UBE2H: variants seen among roughly 807,000 people sequenced by gnomAD.
UBE2H encodes the protein ubiquitin-conjugating enzyme E2 H.
Under a neutral mutation model 29.0 loss-of-function variants are expected in UBE2H, and 3 were observed. The ratio of observed to expected loss-of-function variants is 0.10; its 90% CI spans 0.05 to 0.27. The LOEUF (loss-of-function observed/expected upper bound fraction) is 0.27. Ranked by LOEUF, UBE2H falls within the 10% of genes least tolerant of loss-of-function variation. The pLI, the probability that UBE2H is intolerant of heterozygous loss-of-function variation, is 1.00. For synonymous variants in UBE2H, 69 were observed against 82.9 expected, an observed-to-expected ratio of 0.83 and a Z score of 0.91; for missense variants, 68 against 228.2, an observed-to-expected ratio of 0.30 and a Z score of 4.52.
intron 5 of UBE2H, among the ~76,000 whole-genome samples, chr7:129,848,883 A>C (rs1047539583): frequency 1.3e-5 from 2 of 150,564 alleles, no homozygotes; most frequent in Non-Finnish European, 3.0e-5. Flanking sequence ...AAATAAATTA[A>C]GATCTCCAGA....
intron 1 of UBE2H, among the ~76,000 whole-genome samples, chr7:129,886,052 C>A (rs764945621): frequency 6.6e-6 from 1 of 152,204 alleles, no homozygotes; most frequent in Non-Finnish European, 1.5e-5. Context: ...GTGGGACTCA[C>A]TAGAAGATTC....
intron 1 of UBE2H, among the ~76,000 whole-genome samples, chr7:129,905,244 G>C (rs1806792565): frequency 6.6e-6 from 1 of 151,716 alleles, no homozygotes. Flanking sequence ...CTAGATAGGG[G>C]AGAAAAGGAG....
At chr7:129,840,802 A>G (rs1422460061) in intron 5 of UBE2H, among the ~76,000 whole-genome samples, 6 of 152,190 alleles carry the variant, frequency 3.9e-5, no homozygotes, top group Non-Finnish European at 8.8e-5. Flanking sequence ...CTACTCATTA[A>G]TTTAGTCAGC....
chr7:129,865,938 G>C (rs1315245077), intron 3 of UBE2H, among the ~76,000 whole-genome samples: 2 of 152,156 alleles, frequency 1.3e-5, no homozygotes, highest in Non-Finnish European at 2.9e-5. Context: ...TGTTCCAATT[G>C]AGTAAGGGTG....
chr7:129,945,844 G>T (rs1045279070), intron 1 of UBE2H, among the ~76,000 whole-genome samples: 1 of 151,958 alleles, frequency 6.6e-6, no homozygotes, highest in Non-Finnish European at 1.5e-5. Context: ...AGGTTCAAGC[G>T]AATTGATTCT....
chr7:129,928,342 C>T (rs1486117947), intron 1 of UBE2H, among the ~76,000 whole-genome samples: 1 of 152,136 alleles, frequency 6.6e-6, no homozygotes. Context: ...GTGGCTCATG[C>T]CTGTAATCCC....
At position 129,834,844 on chromosome 7, in the gene UBE2H, T is replaced by TA. The variant is rs570097907; in HGVS notation, c.*92dup. On this transcript the variant is annotated 3_prime_UTR_variant, in exon 7 of 7. Transcript: ENST00000355621. ...TATTCATAAAAACCTTGTTTAGTAA[T>TA]AAAAAAAATTGCTTTGTTTAAATAT... 4.7e-5 allele frequency: 69 copies of TA among 1,476,142 alleles called. 2 individuals carry two copies. The highest frequency in any genetic ancestry group is 2.1e-4 in the East Asian group (9 of 41,936). The allele number at this position is 1,476,142 out of a possible 1,614,324, so 91.4% of individuals were successfully genotyped here. A position where few individuals can be genotyped will look rare whatever the true frequency, so the allele number is the denominator to read the frequency against.
chr7:129,922,373 C>T (rs1159672959), intron 1 of UBE2H, among the ~76,000 whole-genome samples: 1 of 152,068 alleles, frequency 6.6e-6, no homozygotes, highest in Non-Finnish European at 1.5e-5. Flanking sequence ...GTAACCTCTG[C>T]CTCTTGGGCT....
At chr7:129,882,735 C>A (rs1806279823) in intron 1 of UBE2H, among the ~76,000 whole-genome samples, 1 of 152,108 alleles carries the variant, frequency 6.6e-6, no homozygotes, top group African/African-American at 2.4e-5. Context: ...TGACATCCTG[C>A]AAAATATTCC....
chr7:129,852,946 G>A (rs1031613317), intron 5 of UBE2H, among the ~76,000 whole-genome samples: 1 of 152,078 alleles, frequency 6.6e-6, no homozygotes, highest in Admixed American at 6.6e-5. Context: ...GGCTGGTCTC[G>A]AACTCCCGAC....
intron 5 of UBE2H, among the ~76,000 whole-genome samples, chr7:129,847,002 C>T (rs1410919857): frequency 3.3e-5 from 5 of 151,438 alleles, no homozygotes; most frequent in Non-Finnish European, 7.4e-5. Flanking sequence ...AGCCGTCATC[C>T]TATAATTATT....
chr7:129,861,749 G>A (rs780085772), intron 3 of UBE2H, among the ~76,000 whole-genome samples: 2 of 151,976 alleles, frequency 1.3e-5, no homozygotes, highest in African/African-American at 2.4e-5. Flanking sequence ...AAAATTAGCC[G>A]GGCATGTGGC....
At chr7:129,837,489 G>A (rs899673383) in intron 6 of UBE2H, among the ~76,000 whole-genome samples, 7 of 152,096 alleles carry the variant, frequency 4.6e-5, no homozygotes, top group African/African-American at 9.7e-5. Flanking sequence ...AGGTGAGGAC[G>A]CAAGAAGTTT....
At chr7:129,852,736 T>A (rs893245092) in intron 5 of UBE2H, among the ~76,000 whole-genome samples, 1 of 152,072 alleles carries the variant, frequency 6.6e-6, no homozygotes, top group Non-Finnish European at 1.5e-5. Context: ...TTTTTGTTTG[T>A]TTTTTTGAGA....
chr7:129,892,203 C>CGG (rs1806508997), intron 1 of UBE2H, among the ~76,000 whole-genome samples: 1 of 152,032 alleles, frequency 6.6e-6, no homozygotes, highest in East Asian at 1.9e-4. Context: ...CCCGCCTCGG[C>CGG]CTCCCAAAAT....
At chr7:129,896,873 C>T (rs1041450279) in intron 1 of UBE2H, among the ~76,000 whole-genome samples, 9 of 152,094 alleles carry the variant, frequency 5.9e-5, no homozygotes, top group Admixed American at 1.3e-4. Context: ...TTAAATTTTA[C>T]GAGGAAATAT....
At chr7:129,922,312 G>T (rs960110064) in intron 1 of UBE2H, among the ~76,000 whole-genome samples, 2 of 151,386 alleles carry the variant, frequency 1.3e-5, no homozygotes, top group African/African-American at 2.4e-5. Flanking sequence ...TTGAGATGGA[G>T]TCTTGCTCTG....
intron 5 of UBE2H, among the ~76,000 whole-genome samples, chr7:129,850,279 A>G (rs907087611): frequency 2.6e-5 from 4 of 152,128 alleles, no homozygotes; most frequent in African/African-American, 9.7e-5. Flanking sequence ...AGACAGGAGG[A>G]TCACTTGAGC....
chr7:129,942,225 A>AG (rs1433231735), intron 1 of UBE2H, among the ~76,000 whole-genome samples: 1 of 151,240 alleles, frequency 6.6e-6, no homozygotes, highest in Non-Finnish European at 1.5e-5. Flanking sequence ...AAAAAAAAAA[A>AG]AAAAAAAAAA....
Sources: allele counts gnomAD v4.1 joint callset (sites outside exome capture counted in the v4.1 genomes callset), GRCh38; gene constraint gnomAD v4.1.1; transcripts MANE v1.5; gene names NCBI Gene and HGNC (gene_info 2026-07-23, HGNC 2026-07-21).